Variants in GLB1L2 observed in about 807,000 individuals in gnomAD.
GLB1L2 encodes the protein galactosidase beta 1 like 2.
A neutral mutation model predicts 84.1 loss-of-function variants in GLB1L2; 68 were observed. The ratio of observed to expected loss-of-function variants is 0.81; its 90% CI spans 0.67 to 0.99. The LOEUF is 0.99. GLB1L2 is among the 50% of genes least tolerant of loss of function. The pLI is 0.00. For missense variants in GLB1L2, 762 were observed against 805.6 expected (o/e 0.95, Z 0.66); for synonymous variants, 290 against 318.0 (o/e 0.91, Z 0.94).
At chr11:134,342,592 A>G in intron 1 of GLB1L2, among the ~76,000 whole-genome samples, 162 bp from the exon 2 acceptor site, 1 of 152,234 alleles carries the variant, frequency 6.6e-6, no homozygotes, top group East Asian at 1.9e-4. Flanking sequence ...TGCTGAAGAA[A>G]GACCCCTTCC....
At chr11:134,344,978 C>T (rs1281040470) in intron 3 of GLB1L2, 56 bp from the exon 4 acceptor site, 7 of 1,569,986 alleles carry the variant, frequency 4.5e-6, no homozygotes, top group Non-Finnish European at 6.1e-6. Context: ...GCGTGGCCCC[C>T]ACCCGGCCTC....
At chr11:134,337,294 AG>A (rs1367672053) in intron 1 of GLB1L2, among the ~76,000 whole-genome samples, 1 of 152,236 alleles carries the variant, frequency 6.6e-6, no homozygotes, top group African/African-American at 2.4e-5. Flanking sequence ...TGGGAATGGC[AG>A]GCCAAAGCCC....
chr11:134,340,560 G>A (rs557291379), intron 1 of GLB1L2, among the ~76,000 whole-genome samples: 98 of 152,318 alleles, frequency 6.4e-4, no homozygotes, highest in African/African-American at 2.0e-3. Context: ...AAAGCAAAGC[G>A]CCTGGTGAGC....
chr11:134,333,854 G>C (rs117328287), intron 1 of GLB1L2, among the ~76,000 whole-genome samples: 2,960 of 152,310 alleles, frequency 0.019, 46 homozygotes, highest in Non-Finnish European at 0.033. Flanking sequence ...TGCCTGGGAA[G>C]GATGTTTTTC....
chr11:134,348,555 T>A (rs1007078721), intron 5 of GLB1L2, among the ~76,000 whole-genome samples: 1 of 152,224 alleles, frequency 6.6e-6, no homozygotes, highest in African/African-American at 2.4e-5. Context: ...TTATTTAACA[T>A]ATTTAAATAA....
At chr11:134,341,907 C>A (rs897021344) in intron 1 of GLB1L2, among the ~76,000 whole-genome samples, 3 of 121,928 alleles carry the variant, frequency 2.5e-5, no homozygotes, top group African/African-American at 9.6e-5. Context: ...GGAGCGAGCG[C>A]CGGTGGGGAC....
At chr11:134,350,310 G>A (rs1021663106) in intron 5 of GLB1L2, among the ~76,000 whole-genome samples, 1 of 152,180 alleles carries the variant, frequency 6.6e-6, no homozygotes, top group Non-Finnish European at 1.5e-5. Flanking sequence ...ACTAGGGTGG[G>A]CAGTTCCTCT....
chr11:134,337,653 G>A (rs188949543), intron 1 of GLB1L2, among the ~76,000 whole-genome samples: 77 of 152,298 alleles, frequency 5.1e-4, no homozygotes, highest in African/African-American at 1.8e-3. Context: ...GCCTAGAACC[G>A]AACCAGAATC....
Position 134,364,372 on chromosome 11 carries a change from C to T in GLB1L2, c.778C>T (p.Leu260=), listed in dbSNP as rs1943837283. 2 of 1,613,980 alleles carry T rather than the reference C, an allele frequency of 1.2e-6. No homozygotes were observed. The highest frequency in any genetic ancestry group is 2.2e-5 in the East Asian group (1 of 44,904). Residue 260 remains leucine (L), a synonymous_variant, in exon 8 of 19, where the codon CTG becomes TTG. Coordinates refer to ENST00000535456, the MANE Select transcript of GLB1L2 (RefSeq NM_001370461.1). ...NLQSTHELQL[L]TTFLFNVQGT... is the part of the protein sequence containing the mutation. ...GCAGTCAACACACGAGCTGCAGCTACTGACCACCTTTCTCTTCAACGTCCA... is the reference window on the plus strand; with the variant it reads ...GCAGTCAACACACGAGCTGCAGCTATTGACCACCTTTCTCTTCAACGTCCA...
At chr11:134,350,515 C>T (rs898507638) in intron 5 of GLB1L2, among the ~76,000 whole-genome samples, 2 of 152,186 alleles carry the variant, frequency 1.3e-5, no homozygotes, top group Admixed American at 6.5e-5. Context: ...AGGGTGGCAT[C>T]GGTGGTGTAA....
At chr11:134,358,279 C>T (rs1172938492) in intron 6 of GLB1L2, among the ~76,000 whole-genome samples, 4 of 152,266 alleles carry the variant, frequency 2.6e-5, no homozygotes, top group African/African-American at 7.2e-5. Context: ...GGTTCAGGCC[C>T]ACGTTGCCAT....
rs567845874 is a variant in GLB1L2 at position 134,370,380 on chromosome 11, C to T, written c.1196C>T (p.Ala399Val). The T allele has an allele frequency of 5.3e-5, 86 of 1,613,450 alleles. No homozygotes were observed. In the South Asian group the frequency reaches 8.1e-4, roughly 15 times the overall value. Residue 399 changes from alanine (A) to valine (V), a missense_variant, in exon 12 of 19, where the codon GCC becomes GTC. By Grantham distance (64) the Ala-to-Val change is moderately conservative. Transcript: ENST00000535456. The surrounding 1 kb of genome is among the most constrained non-coding windows in gnomAD (Gnocchi z 4.7). The part of the protein sequence containing the change: ...TPVLYLSLWD[A>V]LKYLGEPIKS... ...GTCTTGTACCTGTCTCTGTGGGACGCCCTCAAGTACCTGGGGGAGGTGAGT... is the reference window on the plus strand; with the variant it reads ...GTCTTGTACCTGTCTCTGTGGGACGTCCTCAAGTACCTGGGGGAGGTGAGT...
chr11:134,374,189 T>C lies in GLB1L2; in HGVS notation c.1640T>C (p.Leu547Ser). Residue 547 changes from leucine to serine, a missense_variant, in exon 17 of 19, where the codon TTA becomes TCA. By Grantham distance (145) the Leu-to-Ser change is moderately radical (BLOSUM62 -2). Around this residue, in one of 3 missense-constraint regions of GLB1L2, gnomAD observed 603 missense variants for 611.7 expected, o/e 0.99. Coordinates refer to ENST00000535456, the MANE Select transcript of GLB1L2 (RefSeq NM_001370461.1). ...AGTTCCCTCCCAGAAACACCCACAT[T>C]ACCTGCTTTCTTCTTGGGTAGCTTG... ...KWSSLPETPT[L>S]PAFFLGSLSI... The C allele has an allele frequency of 6.2e-7, 1 of 1,614,162 alleles. No individual in the cohort carries two copies. Among genetic ancestry groups the C allele is most frequent in the Non-Finnish European group, 8.5e-7 (1 of 1,179,990 alleles).
At chr11:134,358,118 G>A (rs1307024207) in intron 6 of GLB1L2, among the ~76,000 whole-genome samples, 2 of 152,216 alleles carry the variant, frequency 1.3e-5, no homozygotes, top group African/African-American at 2.4e-5. Flanking sequence ...TCGCCCAGCA[G>A]ATGATCTCGC....
intron 9 of GLB1L2, among the ~76,000 whole-genome samples, chr11:134,367,879 T>C (rs1320933095): frequency 6.6e-6 from 1 of 152,258 alleles, no homozygotes; most frequent in Non-Finnish European, 1.5e-5. Context: ...CCGGGTTGTT[T>C]CTGGTGGTTC....
chr11:134,360,580 C>A (rs1943770748), intron 7 of GLB1L2: 1 of 152,170 alleles, frequency 6.6e-6, no homozygotes, highest in African/African-American at 2.4e-5. Flanking sequence ...CGGGAGCCGC[C>A]ACTGCTTTTC....
chr11:134,368,860 G>A (rs1428457055), intron 10 of GLB1L2, 79 bp downstream of exon 10: 3 of 1,505,780 alleles, frequency 2.0e-6, no homozygotes, highest in Admixed American at 3.7e-5. Context: ...AGGCCCTCAG[G>A]GTCAACTTCT....
chr11:134,374,927 A>G, intron 18 of GLB1L2, 45 bp from the exon 19 acceptor site: 1 of 1,577,864 alleles, frequency 6.3e-7, no homozygotes, highest in Non-Finnish European at 8.7e-7. Context: ...CCCTGGCTCC[A>G]GGACAGACGT....
At chr11:134,365,566 G>A (rs1029325194) in intron 8 of GLB1L2, among the ~76,000 whole-genome samples, 2 of 152,242 alleles carry the variant, frequency 1.3e-5, no homozygotes, top group Non-Finnish European at 2.9e-5. Context: ...AGGGTTGTTT[G>A]AAGATTAAAT....
Sources: gnomAD v4.1 joint callset for allele counts (sites outside exome capture counted in the v4.1 genomes callset) on GRCh38, gnomAD v4.1.1 for gene constraint, gnomAD v4.1.1 regional missense constraint, Gnocchi (gnomAD v3.1) non-coding constraint, MANE v1.5 for transcripts, NCBI Gene and HGNC (gene_info 2026-07-23, HGNC 2026-07-21) for gene names.